The following BMP6 variants were observed in gnomAD, a reference collection of about 807,000 sequenced individuals.
BMP6 encodes bone morphogenetic protein 6.
BMP6 carries 17 observed loss-of-function variants against 54.1 expected under a neutral mutation model. The ratio of observed to expected loss-of-function variants is 0.31; its 90% CI spans 0.22 to 0.47. The LOEUF is 0.47. BMP6 is among the 20% of genes least tolerant of loss of function. The pLI is 1.00. For missense variants in BMP6, 720 were observed against 690.4 expected, an observed-to-expected ratio of 1.04 and a Z score of -0.48; for synonymous variants, 328 against 291.2, an observed-to-expected ratio of 1.13 and a Z score of -1.28.
At chr6:7,759,667 GA>G (rs1345420978) in intron 1 of BMP6, among the ~76,000 whole-genome samples, 2 of 138,334 alleles carry the variant, frequency 1.4e-5, no homozygotes, top group East Asian at 4.1e-4. Context: ...AAAAAGAAGT[GA>G]ATTTTAAAGA....
rs1440370014 is a variant in BMP6 at position 7,727,058 on chromosome 6, G to T, written c.103G>T (p.Ala35Ser). 28 of 1,194,558 alleles carry T rather than the reference G, an allele frequency of 2.3e-5. 1 individual carries two copies. In the South Asian group the frequency reaches 1.1e-3, roughly 46 times the overall value. The allele number at this position is 1,194,558 out of a possible 1,614,324, so 74.0% of individuals were successfully genotyped here. A position where few individuals can be genotyped will look rare whatever the true frequency, so the allele number is the denominator to read the frequency against. ...PPLRPPLPAA[A>S]AAAAGGQLLG... ...GCTGCGGCCGCCCTTGCCCGCTGCC[G>T]CGGCCGCCGCCGCCGGGGGGCAGCT... The change falls in exon 1 of 7, where the codon GCG becomes TCG. Residue 35 changes from alanine (A) to serine (S), a missense_variant. Ala to Ser is a moderately conservative substitution (Grantham distance 99). This residue lies in a region of BMP6 where 650 missense variants were observed against 556.3 expected (regional missense o/e 1.17). Coordinates refer to ENST00000283147, the MANE Select transcript of BMP6 (RefSeq NM_001718.6).
At chr6:7,875,684 T>C (rs1759605100) in intron 4 of BMP6, among the ~76,000 whole-genome samples, 1 of 152,162 alleles carries the variant, frequency 6.6e-6, no homozygotes, top group Non-Finnish European at 1.5e-5. Flanking sequence ...AAAAGTTTTA[T>C]CAGCTACTTG....
rs939562317 is a variant in BMP6, at chr6:7,872,192, A to G, written c.1205-6882A>G. Among the ~76,000 whole-genome samples the G allele has an allele frequency of 6.6e-5, 10 of 151,704 alleles. No homozygotes were observed. The East Asian group carries it at 7.7e-4, about 12-fold the overall frequency. On this transcript the variant is annotated intron_variant, in intron 4 of 6. Coordinates refer to ENST00000283147, the MANE Select transcript of BMP6 (RefSeq NM_001718.6). ...TTCCTGTTGAATTGTCACCACATAC[A>G]TTTCCACTGGCCCTCTTCAGCCCAT...
At chr6:7,765,746 G>C (rs1423891642) in intron 1 of BMP6, among the ~76,000 whole-genome samples, 1 of 152,246 alleles carries the variant, frequency 6.6e-6, no homozygotes, top group Non-Finnish European at 1.5e-5. Flanking sequence ...CAGAGGTCTG[G>C]CATGAGCCTC....
chr6:7,825,339 C>G (rs1485081389), intron 1 of BMP6, among the ~76,000 whole-genome samples: 1 of 152,114 alleles, frequency 6.6e-6, no homozygotes, highest in East Asian at 1.9e-4. Context: ...GACTTTAATT[C>G]ACACTGACCT....
chr6:7,822,277 C>T (rs1758623093), intron 1 of BMP6, among the ~76,000 whole-genome samples: 1 of 152,204 alleles, frequency 6.6e-6, no homozygotes, highest in East Asian at 1.9e-4. Context: ...GCCTTGGCCT[C>T]CCAAAGTGTT....
At chr6:7,737,573 G>A (rs1026010093) in intron 1 of BMP6, among the ~76,000 whole-genome samples, 5 of 152,052 alleles carry the variant, frequency 3.3e-5, no homozygotes, top group African/African-American at 7.2e-5. Flanking sequence ...ATGATCCCAC[G>A]TAGCTGCAGG....
chr6:7,841,079 C>T (rs73719342), intron 1 of BMP6, among the ~76,000 whole-genome samples: 11,215 of 152,160 alleles, frequency 0.074, 670 homozygotes, highest in African/African-American at 0.17. Context: ...GTATTGACTC[C>T]GTGGCTTTGG....
At chr6:7,776,592 T>C (rs1425769262) in intron 1 of BMP6, among the ~76,000 whole-genome samples, 2 of 152,174 alleles carry the variant, frequency 1.3e-5, no homozygotes, top group Admixed American at 1.3e-4. Flanking sequence ...TTCCTATGTG[T>C]GTCATTCCCC....
chr6:7,738,338 C>G (rs753843651), intron 1 of BMP6, among the ~76,000 whole-genome samples: 3 of 152,152 alleles, frequency 2.0e-5, no homozygotes, highest in South Asian at 2.1e-4. Flanking sequence ...CCTCATAGAT[C>G]AGGGGAGGGA....
At chr6:7,751,319 A>AT (rs1757419379) in intron 1 of BMP6, among the ~76,000 whole-genome samples, 1 of 152,256 alleles carries the variant, frequency 6.6e-6, no homozygotes, top group African/African-American at 2.4e-5. Flanking sequence ...AAAATGTAGT[A>AT]GACATGTCAA....
chr6:7,827,716 C>G (rs1758720994), intron 1 of BMP6, among the ~76,000 whole-genome samples: 1 of 152,214 alleles, frequency 6.6e-6, no homozygotes, highest in Non-Finnish European at 1.5e-5. Context: ...GTTTTTCTTG[C>G]CCCACTTGTT....
chr6:7,861,650 A>G (rs780059171), intron 3 of BMP6, 51 bp downstream of exon 3: 5 of 1,605,506 alleles, frequency 3.1e-6, no homozygotes, highest in Non-Finnish European at 4.3e-6. Context: ...TCAGTTTCAC[A>G]CATTTCCCTT....
intron 1 of BMP6, among the ~76,000 whole-genome samples, chr6:7,756,430 A>C (rs1757516036): frequency 6.6e-6 from 1 of 152,108 alleles, no homozygotes; most frequent in African/African-American, 2.4e-5. Flanking sequence ...TTATAATACC[A>C]ATTGTAAGGT....
rs116335697 is a variant in BMP6 at position 7,871,314 on chromosome 6, G to C, written c.1205-7760G>C. Among the ~76,000 whole-genome samples, 416 of 152,326 alleles carry C rather than the reference G, an allele frequency of 2.7e-3. 2 individuals are homozygous for C. Among genetic ancestry groups the C allele is most frequent in the African/African-American group, 8.9e-3 (369 of 41,560 alleles). ...CCCTGCGGAAGCAGTTTATTAAATGGGACTGAAAGCCGCGCTGCTAAAGGC... is the reference window on the plus strand; with the variant it reads ...CCCTGCGGAAGCAGTTTATTAAATGCGACTGAAAGCCGCGCTGCTAAAGGC... On this transcript the variant is annotated intron_variant, in intron 4 of 6. Coordinates refer to ENST00000283147, the MANE Select transcript of BMP6 (RefSeq NM_001718.6).
Position 7,880,279 on chromosome 6 carries a change from A to C in BMP6, c.1478A>C (p.Asp493Ala). The C allele has an allele frequency of 6.2e-7, 1 of 1,614,122 alleles. No individual in the cohort carries two copies. Among genetic ancestry groups the C allele is most frequent in the Non-Finnish European group, 8.5e-7 (1 of 1,180,020 alleles). ...GCCATCTCGGTTCTTTACTTTGATG[A>C]CAACTCCAATGTCATTCTGAAAAAA... Reference protein sequence around the residue: ...LNAISVLYFDDNSNVILKKYR... With the variant: ...LNAISVLYFDANSNVILKKYR... Residue 493 changes from aspartate to alanine, a missense_variant, in exon 7 of 7, where the codon GAC becomes GCC. Asp to Ala is a moderately radical substitution (Grantham distance 126). Around this residue, in one of 3 missense-constraint regions of BMP6, gnomAD observed 43 missense variants for 54.0 expected, o/e 0.80. Coordinates refer to ENST00000283147, the MANE Select transcript of BMP6 (RefSeq NM_001718.6).
intron 4 of BMP6, among the ~76,000 whole-genome samples, chr6:7,874,381 T>C (rs1759573554): frequency 6.6e-6 from 1 of 152,168 alleles, no homozygotes; most frequent in Non-Finnish European, 1.5e-5. Context: ...ACATTGTCAT[T>C]CCCACTCTAG....
intron 4 of BMP6, among the ~76,000 whole-genome samples, chr6:7,867,145 T>C (rs1759436609): frequency 6.6e-6 from 1 of 152,196 alleles, no homozygotes; most frequent in African/African-American, 2.4e-5. Context: ...GTGTTGGGAT[T>C]ACAGGTATGA....
Position 7,726,925 on chromosome 6 carries a change from G to A in BMP6, c.-31G>A. The stretch of plus-strand genomic sequence containing the variant: ...TCGCTCCGCCGCTCCACGCCTCGCG[G>A]GATCCGCGGGGGCAGCCCGGCCGGG... On this transcript the variant is annotated 5_prime_UTR_variant, in exon 1 of 7. Transcript: ENST00000283147. The A allele has an allele frequency of 8.9e-7, 1 of 1,129,594 alleles. No individual in the cohort carries two copies. The highest frequency in any genetic ancestry group is 1.1e-6 in the Non-Finnish European group (1 of 921,986). The allele number at this position is 1,129,594 out of a possible 1,614,324, so 70.0% of individuals were successfully genotyped here.
Sources: gnomAD v4.1 joint callset for allele counts (sites outside exome capture counted in the v4.1 genomes callset) on GRCh38, gnomAD v4.1.1 for gene constraint, gnomAD v4.1.1 regional missense constraint, MANE v1.5 for transcripts, NCBI Gene and HGNC (gene_info 2026-07-23, HGNC 2026-07-21) for gene names.